The following PRKN variants were observed in gnomAD, a reference collection of about 807,000 sequenced individuals.
PRKN encodes E3 ubiquitin-protein ligase parkin.
A neutral mutation model predicts 59.5 loss-of-function variants in PRKN; 56 were observed. The ratio of observed to expected loss-of-function variants is 0.94; its 90% CI spans 0.76 to 1.18. The LOEUF is 1.18. Ranked by LOEUF, PRKN falls within the 50% of genes most tolerant of loss-of-function variation. The pLI, the probability that PRKN is intolerant of heterozygous loss-of-function variation, is 0.00. For missense variants in PRKN, 657 were observed against 596.4 expected (o/e 1.10, Z -1.06); for synonymous variants, 250 against 222.1 (o/e 1.13, Z -1.12).
rs188562496 is a variant in PRKN, at chr6:162,543,714, G to A, written c.8-100241C>T. On this transcript the variant is annotated intron_variant, in intron 1 of 11. Transcript: ENST00000366898. ...CATTATTATACCTGTACTTCATACC[G>A]CTGGCTGACCCTGAGCTTGTGGTCA... Among the ~76,000 whole-genome samples the A allele has an allele frequency of 1.1e-3, 172 of 152,190 alleles. 1 individual carries two copies. Among genetic ancestry groups the A allele is most frequent in the Admixed American group, 9.2e-3 (140 of 15,278 alleles).
At position 162,436,193 on chromosome 6, in the gene PRKN, AAAAAAAAAAAAT is replaced by A. The variant is rs1209752007; in HGVS notation, c.171+7105_171+7116del. On this transcript the variant is annotated intron_variant, in intron 2 of 11. Coordinates refer to ENST00000366898, the MANE Select transcript of PRKN (RefSeq NM_004562.3). ...TCCATCTCCAAAAAAAAAAAAAAAA[AAAAAAAAAAAAT>A]TTGAATAAATTACCAAAAAAAACCA... 3.5e-3 allele frequency among the ~76,000 whole-genome samples: 521 copies of A among 150,840 alleles called. 6 individuals carry two copies. Among genetic ancestry groups the A allele is most frequent in the African/African-American group, 0.012 (473 of 41,090 alleles).
At chr6:162,641,302 C>T (rs962741065) in intron 1 of PRKN, among the ~76,000 whole-genome samples, 4 of 143,630 alleles carry the variant, frequency 2.8e-5, no homozygotes, top group Non-Finnish European at 6.2e-5. Context: ...TTATGAGGCC[C>T]CCTCAAAACA....
At chr6:162,365,352 GTACTT>G (rs1785379747) in intron 2 of PRKN, among the ~76,000 whole-genome samples, 1 of 152,024 alleles carries the variant, frequency 6.6e-6, no homozygotes, top group African/African-American at 2.4e-5. Context: ...TGTCTAGACA[GTACTT>G]TACAAGATGA....
chr6:162,335,587 AAT>A (rs1349735283), intron 2 of PRKN, among the ~76,000 whole-genome samples: 4 of 152,232 alleles, frequency 2.6e-5, no homozygotes, highest in African/African-American at 9.6e-5. Flanking sequence ...CTTAAAAAGC[AAT>A]ATGTTTATGC....
At chr6:162,646,995 C>T (rs1778209923) in intron 1 of PRKN, among the ~76,000 whole-genome samples, 1 of 152,086 alleles carries the variant, frequency 6.6e-6, no homozygotes, top group African/African-American at 2.4e-5. Flanking sequence ...CATAAGTCCA[C>T]AGCCAAGGAC....
At position 161,423,993 on chromosome 6, in the gene PRKN, G is replaced by A. The variant is rs1788218602; in HGVS notation, c.1084-37116C>T. 6.6e-6 allele frequency among the ~76,000 whole-genome samples: 1 copy of A among 152,166 alleles called. No individual in the cohort carries two copies. Among genetic ancestry groups the A allele is most frequent in the African/African-American group, 2.4e-5 (1 of 41,432 alleles). ...AAAGCACAAGGCTGGTATTGAGACT[G>A]GAGTACGGCATGTAGTGTTGAAGAT... On this transcript the variant is annotated intron_variant, in intron 9 of 11. Coordinates refer to ENST00000366898, the MANE Select transcript of PRKN (RefSeq NM_004562.3). The surrounding 1 kb of genome is among the most constrained non-coding windows in gnomAD (Gnocchi z 5.9).
chr6:161,675,296 T>C (rs770856905), intron 7 of PRKN, among the ~76,000 whole-genome samples: 1 of 152,136 alleles, frequency 6.6e-6, no homozygotes, highest in Non-Finnish European at 1.5e-5. Context: ...TAGTTGAAGA[T>C]CACCGACTAA....
chr6:161,368,271 A>G (rs940383684), intron 10 of PRKN, among the ~76,000 whole-genome samples: 1 of 145,298 alleles, frequency 6.9e-6, no homozygotes, highest in South Asian at 2.1e-4. Context: ...TATAATATTT[A>G]TATATATGTA....
In PRKN at chr6:161,503,682, T is replaced by C. The variant is rs1347172118; in HGVS notation, c.1083+45172A>G. Among the ~76,000 whole-genome samples the C allele has an allele frequency of 6.6e-6, 1 of 152,166 alleles. No homozygotes were observed. The highest frequency in any genetic ancestry group is 2.4e-5 in the African/African-American group (1 of 41,446). ...TGCTTCGAGAGCCTCTATGCTTCTA[T>C]GAAGGTCACAACCAGAAGCAGTCCG... On this transcript the variant is annotated intron_variant, in intron 9 of 11. Coordinates refer to ENST00000366898, the MANE Select transcript of PRKN (RefSeq NM_004562.3). This position sits in a 1 kb window ranked among gnomAD's most constrained non-coding sequence, Gnocchi z 5.1.
At chr6:162,467,198 C>T (rs2128176338) in intron 1 of PRKN, among the ~76,000 whole-genome samples, 1 of 152,246 alleles carries the variant, frequency 6.6e-6, no homozygotes, top group Non-Finnish European at 1.5e-5. Context: ...TCCTTTTTCT[C>T]CACAGCTTTC....
intron 5 of PRKN, among the ~76,000 whole-genome samples, chr6:162,010,337 TATAA>T (rs1394528786): frequency 1.6e-5 from 2 of 124,488 alleles, no homozygotes; most frequent in Non-Finnish European, 3.2e-5. Context: ...ATATATAATA[TATAA>T]ATAATATACA....
chr6:162,393,304 T>C (rs1177398199), intron 2 of PRKN, among the ~76,000 whole-genome samples: 1 of 151,574 alleles, frequency 6.6e-6, no homozygotes, highest in Non-Finnish European at 1.5e-5. Flanking sequence ...GGATTACAAG[T>C]GCCTGCCACC....
In PRKN at chr6:162,390,243, CAAATAGTGAA is replaced by C. The variant is rs1787093510; in HGVS notation, c.171+53057_171+53066del. 3.3e-5 allele frequency among the ~76,000 whole-genome samples: 5 copies of C among 151,642 alleles called. No homozygotes were observed. In the South Asian group the frequency reaches 1.0e-3, roughly 32 times the overall value. On this transcript the variant is annotated intron_variant, in intron 2 of 11. Transcript: ENST00000366898. ...TTTTTAAAAATTAAATGTATAACAC[CAAATAGTGAA>C]AAATAATAATAATCAGTTTGTACCT...
intron 7 of PRKN, among the ~76,000 whole-genome samples, chr6:161,675,742 T>C (rs886460298): frequency 6.6e-6 from 1 of 152,198 alleles, no homozygotes; most frequent in Non-Finnish European, 1.5e-5. Flanking sequence ...ACCTGTAGTC[T>C]ATATTCCTCA....
chr6:162,080,645 C>T (rs1779018045), intron 4 of PRKN, among the ~76,000 whole-genome samples: 1 of 152,038 alleles, frequency 6.6e-6, no homozygotes, highest in South Asian at 2.1e-4. Flanking sequence ...AAGTCATAAC[C>T]TTTTTTGCTA....
intron 2 of PRKN, among the ~76,000 whole-genome samples, chr6:162,288,624 G>A (rs1781298934): frequency 6.6e-6 from 1 of 151,998 alleles, no homozygotes; most frequent in African/African-American, 2.4e-5. Context: ...GAACTTCTCC[G>A]AAAAGGACAC....
In PRKN at chr6:161,530,345, C is replaced by G. The variant is rs774744650; in HGVS notation, c.1083+18509G>C. Among the ~76,000 whole-genome samples, 1 of 152,176 alleles carries G rather than the reference C, an allele frequency of 6.6e-6. No individual in the cohort carries two copies. The highest frequency in any genetic ancestry group is 1.5e-5 in the Non-Finnish European group (1 of 68,036). The stretch of plus-strand genomic sequence containing the variant: ...CCCAGTGTCTAGGGAAATGCACCTT[C>G]TCCTGTGACATTGCATATCATCTTC... On this transcript the variant is annotated intron_variant, in intron 9 of 11. Coordinates refer to ENST00000366898, the MANE Select transcript of PRKN (RefSeq NM_004562.3). The surrounding 1 kb of genome is among the most constrained non-coding windows in gnomAD (Gnocchi z 5.0).
At chr6:161,900,778 T>TTA (rs61013973) in intron 6 of PRKN, among the ~76,000 whole-genome samples, 66,567 of 120,174 alleles carry the variant, frequency 0.55, 17,169 homozygotes, top group Middle Eastern at 0.64. Context: ...ACATACATAA[T>TTA]TATATATAAA....
intron 1 of PRKN, among the ~76,000 whole-genome samples, chr6:162,588,649 T>C (rs1781169928): frequency 6.6e-6 from 1 of 152,152 alleles, no homozygotes; most frequent in Admixed American, 6.5e-5. Flanking sequence ...CCTCCCAGGT[T>C]CACACCATTC....
Sources: allele counts gnomAD v4.1 joint callset (sites outside exome capture counted in the v4.1 genomes callset), GRCh38; gene constraint gnomAD v4.1.1; non-coding constraint Gnocchi (gnomAD v3.1); transcripts MANE v1.5; gene names NCBI Gene and HGNC (gene_info 2026-07-23, HGNC 2026-07-21).